Variants in ERC2 observed in about 807,000 individuals in gnomAD.
ERC2 encodes ELKS/RAB6-interacting/CAST family member 2.
A neutral mutation model predicts 114.8 loss-of-function variants in ERC2; 42 were observed. That is an observed-to-expected ratio of 0.37 (90% CI 0.29 to 0.47). The LOEUF (loss-of-function observed/expected upper bound fraction) is 0.47. ERC2 is among the 20% of genes least tolerant of loss of function. ERC2 has a pLI of 0.99. For missense variants in ERC2, 939 were observed against 1,150.7 expected, an observed-to-expected ratio of 0.82 and a Z score of 2.66; for synonymous variants, 454 against 425.5, an observed-to-expected ratio of 1.07 and a Z score of -0.82.
chr3:56,322,932 C>A (rs147172407), intron 2 of ERC2, among the ~76,000 whole-genome samples: 3 of 152,264 alleles, frequency 2.0e-5, no homozygotes, highest in East Asian at 3.9e-4. Context: ...GGGGGCAGAT[C>A]CCTCATTAAT....
At chr3:55,907,985 T>C (rs949817263) in intron 13 of ERC2, among the ~76,000 whole-genome samples, 3 of 151,998 alleles carry the variant, frequency 2.0e-5, no homozygotes, top group African/African-American at 7.3e-5. Flanking sequence ...GGACGATACA[T>C]TGGGAAAAGC....
intron 12 of ERC2, among the ~76,000 whole-genome samples, chr3:55,978,499 G>A (rs927376803): frequency 5.9e-5 from 9 of 152,140 alleles, no homozygotes; most frequent in African/African-American, 1.2e-4. Context: ...GAAAAGCAAC[G>A]GAGGCAGCCG....
At chr3:56,156,678 A>G (rs960843333) in intron 4 of ERC2, among the ~76,000 whole-genome samples, 8 of 152,206 alleles carry the variant, frequency 5.3e-5, no homozygotes, top group Non-Finnish European at 1.2e-4. Flanking sequence ...TGCTTCAGTT[A>G]ATGTCAAGAG....
chr3:56,307,778 G>A (rs559812814), intron 2 of ERC2, among the ~76,000 whole-genome samples: 1 of 151,396 alleles, frequency 6.6e-6, no homozygotes, highest in Non-Finnish European at 1.5e-5. Context: ...GGAAAGGAAG[G>A]GTTCTATTGT....
At chr3:55,723,975 A>G (rs759210624) in intron 15 of ERC2, among the ~76,000 whole-genome samples, 3 of 152,172 alleles carry the variant, frequency 2.0e-5, no homozygotes, top group Non-Finnish European at 4.4e-5. Context: ...ACTTTTAATT[A>G]TATGATGAGA....
intron 8 of ERC2, among the ~76,000 whole-genome samples, chr3:56,013,049 C>A (rs2073062017): frequency 1.3e-5 from 2 of 152,174 alleles, no homozygotes; most frequent in East Asian, 1.9e-4. Context: ...TACAGCAAGG[C>A]TTTGCGAGAC....
intron 14 of ERC2, among the ~76,000 whole-genome samples, chr3:55,786,570 T>A (rs969414652): frequency 6.6e-6 from 1 of 152,228 alleles, no homozygotes; most frequent in African/African-American, 2.4e-5. Context: ...CATAAATGGT[T>A]CATTTCACCT....
intron 17 of ERC2, among the ~76,000 whole-genome samples, chr3:55,632,312 T>C (rs1228964678): frequency 6.6e-6 from 1 of 152,224 alleles, no homozygotes; most frequent in Non-Finnish European, 1.5e-5. Flanking sequence ...TTGGTCCAGT[T>C]GTACCTGAGA....
Position 56,298,518 on chromosome 3 carries a change from A to G in ERC2, c.658-2083T>C, listed in dbSNP as rs1214602961. ...GAAATCTAGTATATCAATTTAATGG[A>G]ATATTATTCAGCCATAAAAAGGAAT... is the stretch of plus-strand genomic sequence containing the variant. On this transcript the variant is annotated intron_variant, in intron 2 of 17. Coordinates refer to ENST00000288221, the MANE Select transcript of ERC2 (RefSeq NM_015576.3). Among the ~76,000 whole-genome samples, 3 of 152,192 alleles carry G rather than the reference A, an allele frequency of 2.0e-5. No homozygotes were observed. The East Asian group carries it at 5.8e-4, about 29-fold the overall frequency.
At chr3:55,546,998 C>G (rs956787501) in intron 17 of ERC2, among the ~76,000 whole-genome samples, 1 of 152,276 alleles carries the variant, frequency 6.6e-6, no homozygotes, top group African/African-American at 2.4e-5. Context: ...TCCCACTCAG[C>G]CCTGGGACTT....
At position 55,742,877 on chromosome 3, in the gene ERC2, C is replaced by T. The variant is rs541079354; in HGVS notation, c.2565-7959G>A. Among the ~76,000 whole-genome samples, 8 of 152,266 alleles carry T rather than the reference C, an allele frequency of 5.3e-5. No individual in the cohort carries two copies. In the South Asian group the frequency reaches 1.7e-3, roughly 32 times the overall value. On this transcript the variant is annotated intron_variant, in intron 14 of 17. Transcript: ENST00000288221. ...GATATCAATTAATATCAACCCTACC[C>T]ACCAGCAGAATGATGTATGATATAT...
chr3:56,068,924 C>G (rs1216831856), intron 7 of ERC2, among the ~76,000 whole-genome samples: 1 of 152,122 alleles, frequency 6.6e-6, no homozygotes, highest in Non-Finnish European at 1.5e-5. Context: ...GATTTCAGTT[C>G]TTTTGCATTT....
At chr3:55,628,453 C>A (rs929250473) in intron 17 of ERC2, among the ~76,000 whole-genome samples, 1 of 152,172 alleles carries the variant, frequency 6.6e-6, no homozygotes, top group Non-Finnish European at 1.5e-5. Context: ...AAAGATTCAG[C>A]TTTTATTTTG....
chr3:56,334,518 C>A (rs1470015065), intron 2 of ERC2, among the ~76,000 whole-genome samples: 1 of 152,154 alleles, frequency 6.6e-6, no homozygotes, highest in Non-Finnish European at 1.5e-5. Flanking sequence ...CTAAAACTAT[C>A]CTTACAGATG....
At chr3:56,166,104 T>C (rs1008186207) in intron 4 of ERC2, among the ~76,000 whole-genome samples, 1 of 152,068 alleles carries the variant, frequency 6.6e-6, no homozygotes, top group Non-Finnish European at 1.5e-5. Context: ...GGGCCATGGA[T>C]GGATGTTGCA....
At chr3:55,743,083 C>T (rs1216821647) in intron 14 of ERC2, among the ~76,000 whole-genome samples, 1 of 152,140 alleles carries the variant, frequency 6.6e-6, no homozygotes, top group Non-Finnish European at 1.5e-5. Context: ...CTAAAACTGA[C>T]CTCAAAAAAA....
intron 3 of ERC2, among the ~76,000 whole-genome samples, chr3:56,198,530 A>G (rs2048236364): frequency 1.3e-5 from 2 of 152,326 alleles, no homozygotes; most frequent in East Asian, 1.9e-4. Context: ...GAGAATACAC[A>G]GATGTCCAAA....
chr3:56,208,029 A>C (rs1382594233), intron 3 of ERC2, among the ~76,000 whole-genome samples: 1 of 152,214 alleles, frequency 6.6e-6, no homozygotes, highest in Non-Finnish European at 1.5e-5. Flanking sequence ...TCCATTTTGC[A>C]GCATGCAAAC....
At chr3:55,753,960 T>A (rs946623968) in intron 14 of ERC2, among the ~76,000 whole-genome samples, 1 of 152,198 alleles carries the variant, frequency 6.6e-6, no homozygotes, top group Non-Finnish European at 1.5e-5. Flanking sequence ...AGTTTCTTCA[T>A]CTGTAAAATG....
Sources: allele counts gnomAD v4.1 joint callset (sites outside exome capture counted in the v4.1 genomes callset), GRCh38; gene constraint gnomAD v4.1.1; transcripts MANE v1.5; gene names NCBI Gene and HGNC (gene_info 2026-07-23, HGNC 2026-07-21).